The following PTPRM variants were observed in gnomAD, a reference collection of about 807,000 sequenced individuals.
The protein encoded by PTPRM is protein tyrosine phosphatase receptor type M.
Under a neutral mutation model 186.7 loss-of-function variants are expected in PTPRM, and 47 were observed. That is an observed-to-expected ratio of 0.25 (90% CI 0.20 to 0.32). The LOEUF (loss-of-function observed/expected upper bound fraction) is 0.32. Ranked by LOEUF, PTPRM falls within the 10% of genes least tolerant of loss-of-function variation. PTPRM has a pLI of 1.00. For synonymous variants in PTPRM, 668 were observed against 674.9 expected (o/e 0.99, Z 0.16); for missense variants, 1,494 against 1,865.0 (o/e 0.80, Z 3.66).
intron 14 of PTPRM, among the ~76,000 whole-genome samples, chr18:8,199,007 G>A (rs1006934668): frequency 2.0e-5 from 3 of 152,066 alleles, no homozygotes; most frequent in South Asian, 2.1e-4. Flanking sequence ...CCTCAGATGC[G>A]CAGAGGACAG....
intron 14 of PTPRM, among the ~76,000 whole-genome samples, chr18:8,159,919 T>C (rs781734113): frequency 2.0e-5 from 3 of 148,500 alleles, no homozygotes; most frequent in Admixed American, 1.3e-4. Flanking sequence ...TTAATTTTTC[T>C]GTAGTGTAGA....
chr18:7,752,658 G>C (rs112663165), intron 1 of PTPRM, among the ~76,000 whole-genome samples: 1 of 151,894 alleles, frequency 6.6e-6, no homozygotes, highest in African/African-American at 2.4e-5. Flanking sequence ...GTCCAGGCTG[G>C]TCTTGAACTC....
At chr18:8,088,708 C>G in intron 10 of PTPRM, 41 bp from the exon 11 acceptor site, 9 of 1,465,956 alleles carry the variant, frequency 6.1e-6, no homozygotes, top group Non-Finnish European at 8.6e-6. Flanking sequence ...AGAAGATAAA[C>G]CAGAAATAAT....
rs149478390 is a variant in PTPRM at position 8,052,463 on chromosome 18, A to G, written c.1133-17223A>G. 1.6e-3 allele frequency among the ~76,000 whole-genome samples: 244 copies of G among 152,326 alleles called. 2 individuals are homozygous for G. The highest frequency in any genetic ancestry group is 5.3e-3 in the African/African-American group (220 of 41,572). On this transcript the variant is annotated intron_variant, in intron 7 of 32. Coordinates refer to ENST00000580170, the MANE Select transcript of PTPRM (RefSeq NM_001105244.2). ...TTCTGTTGCCTACAACATTCAATAC[A>G]GAAACATGCTCTTCAGGTTTGTAAC...
chr18:8,157,231 A>G (rs1264627793), intron 14 of PTPRM, among the ~76,000 whole-genome samples: 1 of 152,218 alleles, frequency 6.6e-6, no homozygotes, highest in African/African-American at 2.4e-5. Flanking sequence ...ATAAAATGTT[A>G]TGACAAGAAA....
chr18:7,647,567 TAAAG>T (rs1350293779), intron 1 of PTPRM, among the ~76,000 whole-genome samples: 2 of 152,192 alleles, frequency 1.3e-5, no homozygotes, highest in Non-Finnish European at 2.9e-5. Context: ...TGTAGCATAA[TAAAG>T]AAATATGATA....
intron 1 of PTPRM, among the ~76,000 whole-genome samples, chr18:7,633,760 G>C (rs73939317): frequency 0.086 from 13,030 of 152,160 alleles, 802 homozygotes; most frequent in South Asian, 0.2. Context: ...CTCAAGCTGA[G>C]AAACTTGGAG....
chr18:7,788,199 T>C (rs982349435), intron 2 of PTPRM, among the ~76,000 whole-genome samples: 1 of 152,230 alleles, frequency 6.6e-6, no homozygotes, highest in Non-Finnish European at 1.5e-5. Context: ...GGGTTTTCTT[T>C]TTCTTTTTGA....
At chr18:7,815,195 G>T (rs1437088778) in intron 2 of PTPRM, 6 of 152,208 alleles carry the variant, frequency 3.9e-5, no homozygotes, top group Non-Finnish European at 5.9e-5. Flanking sequence ...ACCCTTTCCT[G>T]GTCTTGTTTT....
At chr18:7,842,947 T>TATATATATATATATAGAGAGAG (rs370746043) in intron 2 of PTPRM, among the ~76,000 whole-genome samples, 21 of 112,130 alleles carry the variant, frequency 1.9e-4, no homozygotes, top group African/African-American at 8.0e-4. Flanking sequence ...TATATATATA[T>TATATATATATATATAGAGAGAG]AGAGAGAGAG....
At chr18:7,666,546 C>T (rs576645277) in intron 1 of PTPRM, among the ~76,000 whole-genome samples, 1 of 152,084 alleles carries the variant, frequency 6.6e-6, no homozygotes, top group African/African-American at 2.4e-5. Flanking sequence ...TACTTTGTCC[C>T]AACACTAGGG....
chr18:7,724,437 G>A (rs2040506481), intron 1 of PTPRM, among the ~76,000 whole-genome samples: 1 of 152,148 alleles, frequency 6.6e-6, no homozygotes, highest in South Asian at 2.1e-4. Flanking sequence ...AGAAAATATG[G>A]CTCTTGACAA....
Position 8,197,742 on chromosome 18 carries a change from G to A in PTPRM, c.2301-46316G>A, listed in dbSNP as rs2093799652. 2.0e-5 allele frequency among the ~76,000 whole-genome samples: 3 copies of A among 152,150 alleles called. No individual in the cohort carries two copies. In the South Asian group the frequency reaches 6.2e-4, roughly 32 times the overall value. On this transcript the variant is annotated intron_variant, in intron 14 of 32. Transcript: ENST00000580170. The stretch of plus-strand genomic sequence containing the variant: ...ACACAAAAAGCCTTACGGAGCAGTG[G>A]GTAAGCAGTCCTAACAGGCAAATGT...
chr18:8,331,031 C>T (rs1254371537), intron 22 of PTPRM, among the ~76,000 whole-genome samples: 1 of 152,124 alleles, frequency 6.6e-6, no homozygotes, highest in African/African-American at 2.4e-5. Flanking sequence ...TGCCCTAATC[C>T]ATATCCCATC....
At chr18:7,637,167 C>CAA (rs11296631) in intron 1 of PTPRM, among the ~76,000 whole-genome samples, 2,140 of 71,984 alleles carry the variant, frequency 0.03, 80 homozygotes, top group African/African-American at 0.075. Context: ...GACCCTGACT[C>CAA]AAAAAAAAAA....
At chr18:7,627,582 G>A (rs1008361277) in intron 1 of PTPRM, among the ~76,000 whole-genome samples, 3 of 152,188 alleles carry the variant, frequency 2.0e-5, no homozygotes, top group Admixed American at 2.0e-4. Context: ...GTAACCTGCG[G>A]TGAGGCTCGG....
chr18:7,984,774 C>T (rs1223793901), intron 7 of PTPRM, among the ~76,000 whole-genome samples: 3 of 126,736 alleles, frequency 2.4e-5, no homozygotes, highest in Non-Finnish European at 4.7e-5. Context: ...AATATATACA[C>T]ATAAAATTAT....
At chr18:8,321,802 C>T (rs1315374701) in intron 22 of PTPRM, among the ~76,000 whole-genome samples, 1 of 152,062 alleles carries the variant, frequency 6.6e-6, no homozygotes. Context: ...CAAGAATATA[C>T]ATATCATATT....
At chr18:7,781,565 T>C (rs2042855363) in intron 2 of PTPRM, among the ~76,000 whole-genome samples, 1 of 152,164 alleles carries the variant, frequency 6.6e-6, no homozygotes. Flanking sequence ...GTAGTGAGCA[T>C]AGTCCCCATA....
Sources: gnomAD v4.1 joint callset for allele counts (sites outside exome capture counted in the v4.1 genomes callset) on GRCh38, gnomAD v4.1.1 for gene constraint, MANE v1.5 for transcripts, NCBI Gene and HGNC (gene_info 2026-07-23, HGNC 2026-07-21) for gene names.